Variants in SATL1 observed in about 807,000 individuals in gnomAD.
The protein encoded by SATL1 is spermidine/spermine N(1)-acetyltransferase-like protein 1.
In SATL1, 47 loss-of-function variants were observed where a neutral mutation model predicts 51.8. That is an observed-to-expected ratio of 0.91 (90% CI 0.72 to 1.16). The LOEUF (loss-of-function observed/expected upper bound fraction) is 1.16. Ranked by LOEUF, SATL1 falls within the 50% of genes most tolerant of loss-of-function variation. SATL1 has a pLI of 0.00. For synonymous variants in SATL1, 176 were observed against 182.4 expected, an observed-to-expected ratio of 0.97 and a Z score of 0.28; for missense variants, 520 against 526.4, an observed-to-expected ratio of 0.99 and a Z score of 0.12.
chrX:85,194,117 C>T (rs764425603), intron 2 of SATL1, among the ~76,000 whole-genome samples: 8 of 112,052 alleles, frequency 7.1e-5, no homozygotes, highest in Non-Finnish European at 1.5e-4. Context: ...AATGGTTGAA[C>T]TAATTTACAC....
chrX:85,100,897 C>G (rs1478103088), intron 4 of SATL1, among the ~76,000 whole-genome samples: 1 of 111,849 alleles, frequency 8.9e-6, no homozygotes, highest in African/African-American at 3.3e-5. Context: ...CAGAAACAAA[C>G]CCTCACATAT....
intron 2 of SATL1, among the ~76,000 whole-genome samples, chrX:85,122,540 G>A (rs1440218272): frequency 3.6e-5 from 4 of 111,077 alleles, no homozygotes; most frequent in Non-Finnish European, 7.6e-5. Flanking sequence ...CCCTGCCTGT[G>A]TTGCTTACCA....
chrX:85,100,788 T>C (rs1257176905), intron 4 of SATL1, among the ~76,000 whole-genome samples: 2 of 111,800 alleles, frequency 1.8e-5, no homozygotes, highest in Non-Finnish European at 3.8e-5. Context: ...GGACTCACAC[T>C]TCCTGACTTT....
chrX:85,116,702 C>G (rs759101224), intron 2 of SATL1, among the ~76,000 whole-genome samples: 10 of 111,084 alleles, frequency 9.0e-5, no homozygotes, highest in Non-Finnish European at 1.7e-4. Flanking sequence ...TGACCATCAC[C>G]TGATGGTCGC....
In SATL1 at chrX:85,191,010, C is replaced by T. The variant is rs755327247; in HGVS notation, c.-313+33195G>A. Among the ~76,000 whole-genome samples, 7 of 106,900 alleles carry T rather than the reference C, an allele frequency of 6.5e-5. No homozygotes were observed. The East Asian group carries it at 2.1e-3, about 32-fold the overall frequency. 92.8% of individuals were successfully genotyped at this position (106,900 alleles called of 115,157 possible). On this transcript the variant is annotated intron_variant, in intron 2 of 7. Transcript: ENST00000644105. Reference sequence around the variant, plus strand: ...GGGAGGGATAGCATTAGGAGATATACCTAATGTAAATGATGAGTTAACGGG... The same window carrying T: ...GGGAGGGATAGCATTAGGAGATATATCTAATGTAAATGATGAGTTAACGGG...
intron 1 of SATL1, among the ~76,000 whole-genome samples, chrX:85,240,896 T>C (rs1425491116): frequency 2.7e-5 from 3 of 110,508 alleles, no homozygotes; most frequent in African/African-American, 9.9e-5. Flanking sequence ...AGTGCTGGGA[T>C]TACAGGCGTG....
chrX:85,106,256 A>T (rs1040946488), intron 3 of SATL1, among the ~76,000 whole-genome samples: 1 of 111,743 alleles, frequency 8.9e-6, no homozygotes, highest in Non-Finnish European at 1.9e-5. Flanking sequence ...CCAGTTAGAG[A>T]AATGATGTGA....
chrX:85,178,657 CA>C (rs771983993), intron 2 of SATL1, among the ~76,000 whole-genome samples: 5 of 102,936 alleles, frequency 4.9e-5, no homozygotes, highest in African/African-American at 7.2e-5. Flanking sequence ...CAAAAAAAAA[CA>C]AAAAAACAAA....
At chrX:85,228,885 A>T (rs1319010316) in intron 1 of SATL1, among the ~76,000 whole-genome samples, 1 of 111,176 alleles carries the variant, frequency 9.0e-6, no homozygotes, top group Non-Finnish European at 1.9e-5. Context: ...TCAATCCTGG[A>T]CTTCTCCCCT....
At chrX:85,237,930 T>C (rs1298189497) in intron 1 of SATL1, among the ~76,000 whole-genome samples, 1 of 111,663 alleles carries the variant, frequency 9.0e-6, no homozygotes, top group African/African-American at 3.3e-5. Context: ...ATAGAAGGCA[T>C]ACAAATTGCA....
chrX:85,092,692 C>G, intron 7 of SATL1, 131 bp from the exon 8 acceptor site: 5 of 615,912 alleles, frequency 8.1e-6, no homozygotes, highest in Non-Finnish European at 9.4e-6. Context: ...ATAGTAGTTA[C>G]CTTTTGAACT....
chrX:85,206,521 T>G (rs1315716327), intron 2 of SATL1, among the ~76,000 whole-genome samples: 1 of 111,600 alleles, frequency 9.0e-6, no homozygotes, highest in Non-Finnish European at 1.9e-5. Flanking sequence ...ACAGAGCAAT[T>G]ACTATTAGAT....
At chrX:85,153,666 G>A (rs1926520669) in intron 2 of SATL1, 1 of 111,587 alleles carries the variant, frequency 9.0e-6, no homozygotes, top group South Asian at 3.7e-4. Context: ...TTCATTCAAG[G>A]GACACCATTT....
intron 5 of SATL1, 29 bp downstream of exon 5, chrX:85,094,887 T>C (rs1428545296): frequency 1.1e-6 from 1 of 947,258 alleles, no homozygotes; most frequent in East Asian, 3.1e-5. Context: ...ATACTCCAGA[T>C]TGAACTGGAG....
chrX:85,130,546 T>C (rs1278257156), intron 2 of SATL1, among the ~76,000 whole-genome samples: 1 of 111,791 alleles, frequency 8.9e-6, no homozygotes, highest in African/African-American at 3.3e-5. Flanking sequence ...TTTTATTCTT[T>C]ATTAGTCTTG....
intron 2 of SATL1, among the ~76,000 whole-genome samples, chrX:85,217,589 TCA>T (rs768038820): frequency 5.4e-5 from 6 of 111,901 alleles, no homozygotes; most frequent in African/African-American, 1.9e-4. Flanking sequence ...AACAAAGCTC[TCA>T]CTGTACTTTT....
At chrX:85,218,550 G>A (rs1484530230) in intron 2 of SATL1, among the ~76,000 whole-genome samples, 1 of 111,505 alleles carries the variant, frequency 9.0e-6, no homozygotes, top group Non-Finnish European at 1.9e-5. Context: ...CATAAATAAT[G>A]TTATGATAAC....
intron 2 of SATL1, among the ~76,000 whole-genome samples, chrX:85,155,583 G>A (rs1156662010): frequency 1.8e-5 from 2 of 112,008 alleles, no homozygotes; most frequent in Non-Finnish European, 3.8e-5. Context: ...TAATTAAGCT[G>A]CTTTATTTTC....
chrX:85,107,629 C>A lies in SATL1; in HGVS notation c.1340G>T (p.Ser447Ile), dbSNP rs1464351741. ...WQRGMWQPGM[S>I]QQVPSQLGMR... ...GCCTAGTTGGCTGGGGACTTGCTGG[C>A]TCATGCCTGGTTGCCACATGCCTCG... The change falls in exon 3 of 8, where the codon AGC becomes ATC. Residue 447 changes from serine (S) to isoleucine (I), a missense_variant. Physicochemically the swap from Ser to Ile is moderately radical, Grantham distance 142. Around this residue, in one of 3 missense-constraint regions of SATL1, gnomAD observed 488 missense variants for 474.3 expected, o/e 1.03. Transcript: ENST00000644105. The A allele has an allele frequency of 8.3e-7, 1 of 1,211,165 alleles. No homozygotes were observed. The highest frequency in any genetic ancestry group is 1.1e-6 in the Non-Finnish European group (1 of 895,529).
Sources: gnomAD v4.1 joint callset for allele counts (sites outside exome capture counted in the v4.1 genomes callset) on GRCh38, gnomAD v4.1.1 for gene constraint, gnomAD v4.1.1 regional missense constraint, MANE v1.5 for transcripts, NCBI Gene and HGNC (gene_info 2026-07-23, HGNC 2026-07-21) for gene names.